RAP1B: variants seen among roughly 807,000 people sequenced by gnomAD.
RAP1B encodes the protein RAP1B, member of RAS oncogene family.
In RAP1B, 1 loss-of-function variant was observed where a neutral mutation model predicts 27.5. The ratio of observed to expected loss-of-function variants is 0.04; its 90% confidence interval spans 0.01 to 0.17. RAP1B has a LOEUF of 0.17. Ranked by LOEUF, RAP1B falls within the 10% of genes least tolerant of loss-of-function variation. The pLI is 1.00. For synonymous variants in RAP1B, 75 were observed against 73.1 expected (o/e 1.03, Z -0.13); for missense variants, 84 against 214.8 (o/e 0.39, Z 3.81).
chr12:68,644,491 G>C (rs1873251122), intron 1 of RAP1B, among the ~76,000 whole-genome samples: 1 of 151,586 alleles, frequency 6.6e-6, no homozygotes, highest in Admixed American at 6.6e-5. Context: ...GGCTGAGGCA[G>C]GAGAATGGCA....
At chr12:68,634,476 T>G (rs1027417589) in intron 1 of RAP1B, among the ~76,000 whole-genome samples, 2 of 152,180 alleles carry the variant, frequency 1.3e-5, no homozygotes, top group African/African-American at 2.4e-5. Context: ...AAGGACATTT[T>G]TTTAAGTCAC....
rs1874446212 is a variant in RAP1B, at chr12:68,659,081, G to T, written c.*31-199G>T. On this transcript the variant is annotated intron_variant, in intron 7 of 7. Coordinates refer to ENST00000250559, the MANE Select transcript of RAP1B (RefSeq NM_001010942.3). ...TTTCATTTAACTGACTTTCAAGAGG[G>T]CAGCAGAATAGACTTCATCTTTTTG... is the stretch of plus-strand genomic sequence containing the variant. Among the ~76,000 whole-genome samples, 2 of 152,274 alleles carry T rather than the reference G, an allele frequency of 1.3e-5. 1 individual carries two copies. The highest frequency in any genetic ancestry group is 1.3e-4 in the Admixed American group (2 of 15,290).
intron 1 of RAP1B, chr12:68,624,517 G>A (rs766732337): frequency 6.6e-6 from 1 of 152,078 alleles, no homozygotes; most frequent in Non-Finnish European, 1.5e-5. Flanking sequence ...GACCAGACAC[G>A]GTGGCTCACG....
rs745754857 is a variant in RAP1B at position 68,657,051 on chromosome 12, G to C, written c.469-50G>C. 4.9e-6 allele frequency: 7 copies of C among 1,418,632 alleles called. No individual in the cohort carries two copies. The South Asian group carries it at 7.2e-5, about 15-fold the overall frequency. The allele number at this position is 1,418,632 out of a possible 1,614,324, so 87.9% of individuals were successfully genotyped here. On this transcript the variant is annotated intron_variant, in intron 6 of 7. Transcript: ENST00000250559. Reference sequence around the variant, plus strand: ...TTTTTCAATTTACTTTTTTCATTGGGGGGGATAGGTGTTCCTCCTGTAAAT... The same window carrying C: ...TTTTTCAATTTACTTTTTTCATTGGCGGGGATAGGTGTTCCTCCTGTAAAT...
At chr12:68,620,830 C>T (rs1269300733) in intron 1 of RAP1B, among the ~76,000 whole-genome samples, 1 of 152,136 alleles carries the variant, frequency 6.6e-6, no homozygotes, top group Non-Finnish European at 1.5e-5. Flanking sequence ...CTAATCGGTT[C>T]TTCCACCTCA....
chr12:68,651,962 A>G, intron 3 of RAP1B, 33 bp from the exon 4 acceptor site: 2 of 1,577,204 alleles, frequency 1.3e-6, no homozygotes, highest in Non-Finnish European at 1.7e-6. Flanking sequence ...TGTACATTGA[A>G]AAAATGAACA....
intron 2 of RAP1B, chr12:68,649,357 T>C (rs1018536051): frequency 4.6e-5 from 7 of 152,772 alleles, no homozygotes; most frequent in African/African-American, 9.6e-5. Context: ...TTTCTTCTTA[T>C]GAATAGTCTT....
At chr12:68,658,214 A>G (rs1189028081) in intron 7 of RAP1B, among the ~76,000 whole-genome samples, 1 of 152,208 alleles carries the variant, frequency 6.6e-6, no homozygotes, top group African/African-American at 2.4e-5. Context: ...TTGATTCTGC[A>G]TCTTTTCAGA....
At chr12:68,628,994 A>G (rs532671786) in intron 1 of RAP1B, among the ~76,000 whole-genome samples, 12 of 149,714 alleles carry the variant, frequency 8.0e-5, no homozygotes, top group Admixed American at 5.4e-4. Flanking sequence ...ATCTCTTTTT[A>G]TTTATTTATT....
At chr12:68,650,103 ACT>A in intron 2 of RAP1B, 1 of 193,350 alleles carries the variant, frequency 5.2e-6, no homozygotes, top group Non-Finnish European at 1.0e-5. Context: ...ACAGAGCAAG[ACT>A]CTGTCTCAAA....
In RAP1B at chr12:68,629,013, A is replaced by ATCTGTCTG. The variant is rs56340839; in HGVS notation, c.-27+17982_-27+17989dup. On this transcript the variant is annotated intron_variant, in intron 1 of 7. Transcript: ENST00000250559. ...CTTTTTATTTATTTATTTATCTTCT[A>ATCTGTCTG]TCTGTCTGTCTGTCTGTCTCTGTCT... 4.3e-4 allele frequency among the ~76,000 whole-genome samples: 65 copies of ATCTGTCTG among 151,820 alleles called. No individual in the cohort carries two copies. In the East Asian group the frequency reaches 0.012, roughly 28 times the overall value.
At chr12:68,639,660 C>T (rs1037994075) in intron 1 of RAP1B, among the ~76,000 whole-genome samples, 3 of 152,132 alleles carry the variant, frequency 2.0e-5, no homozygotes, top group Non-Finnish European at 4.4e-5. Context: ...AAAGAGCTGG[C>T]ACAGGAACTC....
Position 68,666,460 on chromosome 12 carries a change from A to G in RAP1B, c.*7211A>G, listed in dbSNP as rs1388241118. On this transcript the variant is annotated 3_prime_UTR_variant, in exon 8 of 8. Coordinates refer to ENST00000250559, the MANE Select transcript of RAP1B (RefSeq NM_001010942.3). ...TTCTGAAGGTCGAAGTCCAAAATCA[A>G]AGTGTTAGGATGTACTCCTAGAGGC... 15 of 152,216 alleles carry G rather than the reference A, an allele frequency of 9.9e-5. No homozygotes were observed. Among genetic ancestry groups the G allele is most frequent in the Admixed American group, 8.5e-4 (13 of 15,282 alleles). The allele number at this position is 152,216 out of a possible 1,614,324, so 9.4% of individuals were successfully genotyped here. A position where few individuals can be genotyped will look rare whatever the true frequency, so the allele number is the denominator to read the frequency against.
intron 1 of RAP1B, among the ~76,000 whole-genome samples, chr12:68,614,078 A>G (rs186899176): frequency 2.0e-5 from 3 of 152,370 alleles, no homozygotes; most frequent in Non-Finnish European, 2.9e-5. Flanking sequence ...TGGAAGGTCT[A>G]TGCAAAGATT....
chr12:68,645,442 C>T (rs191149196), intron 1 of RAP1B, among the ~76,000 whole-genome samples: 2 of 152,368 alleles, frequency 1.3e-5, no homozygotes, highest in East Asian at 3.9e-4. Context: ...TAACTATTCC[C>T]ATTTTTAATT....
chr12:68,639,295 C>T (rs1410776911), intron 1 of RAP1B, among the ~76,000 whole-genome samples: 1 of 152,080 alleles, frequency 6.6e-6, no homozygotes, highest in Admixed American at 6.6e-5. Flanking sequence ...CAGTATTTCC[C>T]CTTTCCCTCA....
At chr12:68,641,682 A>G (rs1235785735) in intron 1 of RAP1B, among the ~76,000 whole-genome samples, 1 of 152,194 alleles carries the variant, frequency 6.6e-6, no homozygotes, top group Non-Finnish European at 1.5e-5. Context: ...CTTTAAATGT[A>G]AATGACCTAA....
chr12:68,650,509 T>A, intron 3 of RAP1B, 41 bp downstream of exon 3: 1 of 1,342,360 alleles, frequency 7.4e-7, no homozygotes. Flanking sequence ...TTGATTTTAA[T>A]ATAAATACTT....
intron 1 of RAP1B, among the ~76,000 whole-genome samples, chr12:68,639,670 C>A (rs1872860022): frequency 6.6e-6 from 1 of 152,090 alleles, no homozygotes; most frequent in South Asian, 2.1e-4. Context: ...CACAGGAACT[C>A]ACCAAAGGGC....
Sources: allele counts gnomAD v4.1 joint callset (sites outside exome capture counted in the v4.1 genomes callset), GRCh38; gene constraint gnomAD v4.1.1; transcripts MANE v1.5; gene names NCBI Gene and HGNC (gene_info 2026-07-23, HGNC 2026-07-21).